Variants in ABHD5 observed in about 807,000 individuals in gnomAD.
ABHD5 encodes abhydrolase domain containing 5, lysophosphatidic acid acyltransferase.
ABHD5 carries 30 observed loss-of-function variants against 44.9 expected under a neutral mutation model. The observed-to-expected ratio is 0.67, with a 90% CI of 0.50 to 0.91. ABHD5 has a LOEUF of 0.91. ABHD5 is among the 40% of genes least tolerant of loss of function. ABHD5 has a pLI of 0.00. For missense variants in ABHD5, 399 were observed against 423.4 expected, an observed-to-expected ratio of 0.94 and a Z score of 0.50; for synonymous variants, 167 against 147.0, an observed-to-expected ratio of 1.14 and a Z score of -0.99.
At chr3:43,711,676 A>G (rs1460234338) in intron 3 of ABHD5, 33 bp from the exon 4 acceptor site, 1 of 1,613,206 alleles carries the variant, frequency 6.2e-7, no homozygotes, top group African/African-American at 1.3e-5. Context: ...TGATTTTACC[A>G]AATGAACTTA....
chr3:43,700,770 C>T (rs1051435858), intron 2 of ABHD5, among the ~76,000 whole-genome samples: 1 of 149,424 alleles, frequency 6.7e-6, no homozygotes, highest in Non-Finnish European at 1.5e-5. Flanking sequence ...GATGGGGTTT[C>T]GCCATGTTGA....
At chr3:43,691,247 GC>G (rs1394959913) in intron 1 of ABHD5, 2 of 424,068 alleles carry the variant, frequency 4.7e-6, no homozygotes, top group African/African-American at 4.1e-5. Flanking sequence ...CAGCGTCGGG[GC>G]CCCGAGGTGT....
chr3:43,705,248 A>T (rs376523041), intron 3 of ABHD5, among the ~76,000 whole-genome samples: 4 of 152,178 alleles, frequency 2.6e-5, no homozygotes, highest in African/African-American at 9.7e-5. Context: ...TGGTCATGTC[A>T]TATCTTTCTA....
At chr3:43,733,750 C>G (rs184799447) in intron 7 of ABHD5, 6 of 152,334 alleles carry the variant, frequency 3.9e-5, no homozygotes, top group Admixed American at 6.5e-5. Context: ...ATTTTCACAA[C>G]CATCCTGGCA....
chr3:43,701,428 A>G (rs2084540783), intron 2 of ABHD5, among the ~76,000 whole-genome samples: 2 of 152,226 alleles, frequency 1.3e-5, no homozygotes, highest in Non-Finnish European at 2.9e-5. Context: ...ATAAATAATT[A>G]AGGGGTATAT....
intron 1 of ABHD5, among the ~76,000 whole-genome samples, chr3:43,697,118 G>A (rs2084483113): frequency 6.6e-6 from 1 of 152,182 alleles, no homozygotes; most frequent in Non-Finnish European, 1.5e-5. Context: ...TAAGTGGTAA[G>A]TTGGTGGAGG....
intron 1 of ABHD5, among the ~76,000 whole-genome samples, chr3:43,698,890 C>T (rs2084504816): frequency 6.6e-6 from 1 of 152,208 alleles, no homozygotes; most frequent in Non-Finnish European, 1.5e-5. Flanking sequence ...CACTGTGAAA[C>T]TGTCATTCAA....
Position 43,717,625 on chromosome 3 carries a change from T to G in ABHD5, c.774-46T>G, listed in dbSNP as rs1219968040. ...ATAGAAGTGACAGTGCAATGCATAC[T>G]CATTCCCAAAAATCATACATCGTGA... On this transcript the variant is annotated intron_variant, in intron 5 of 6. Coordinates refer to ENST00000644371, the MANE Select transcript of ABHD5 (RefSeq NM_016006.6). 4 of 1,599,704 alleles carry G rather than the reference T, an allele frequency of 2.5e-6. No individual in the cohort carries two copies. In the East Asian group the frequency reaches 6.7e-5, roughly 27 times the overall value.
rs2084822185 is a variant in ABHD5, at chr3:43,720,531, A to G, written c.*1999A>G. 6.6e-6 allele frequency: 1 copy of G among 152,234 alleles called. No homozygotes were observed. The highest frequency in any genetic ancestry group is 2.4e-5 in the African/African-American group (1 of 41,464). 9.4% of individuals were successfully genotyped at this position (152,234 alleles called of 1,614,324 possible). A position where few individuals can be genotyped will look rare whatever the true frequency, so the allele number is the denominator to read the frequency against. ...TAGATTTTACCCTGAGGTATAGTATATGTAATTTTGTGAAGATTGAGCTGG... is the reference window on the plus strand; with the variant it reads ...TAGATTTTACCCTGAGGTATAGTATGTGTAATTTTGTGAAGATTGAGCTGG... On this transcript the variant is annotated 3_prime_UTR_variant, in exon 7 of 7. Transcript: ENST00000644371.
chr3:43,711,509 A>G (rs2084687851), intron 3 of ABHD5, among the ~76,000 whole-genome samples, 200 bp from the exon 4 acceptor site: 2 of 152,238 alleles, frequency 1.3e-5, no homozygotes, highest in African/African-American at 4.8e-5. Flanking sequence ...CCCTCTTTCT[A>G]CCATACACCT....
intron 3 of ABHD5, among the ~76,000 whole-genome samples, chr3:43,711,236 A>C (rs1440799148): frequency 6.6e-6 from 1 of 152,212 alleles, no homozygotes; most frequent in Non-Finnish European, 1.5e-5. Flanking sequence ...TTACATTTTT[A>C]GGATGGTTGA....
At chr3:43,730,698 A>C (rs1466315321) in intron 7 of ABHD5, among the ~76,000 whole-genome samples, 3 of 151,944 alleles carry the variant, frequency 2.0e-5, no homozygotes, top group Non-Finnish European at 2.9e-5. Context: ...GGAGAAATGA[A>C]GTCTTGCTAT....
intron 1 of ABHD5, among the ~76,000 whole-genome samples, chr3:43,694,068 G>GAGGCC (rs879539302): frequency 1.3e-5 from 2 of 149,738 alleles, no homozygotes; most frequent in Non-Finnish European, 2.9e-5. Flanking sequence ...AGCACTTTGG[G>GAGGCC]GTAACACCGT....
chr3:43,704,993 A>G (rs2084597198), intron 3 of ABHD5, among the ~76,000 whole-genome samples: 1 of 152,222 alleles, frequency 6.6e-6, no homozygotes, highest in South Asian at 2.1e-4. Context: ...AACTTAAATT[A>G]TTAAATACAG....
At chr3:43,698,993 T>C (rs1479558183) in intron 1 of ABHD5, among the ~76,000 whole-genome samples, 1 of 152,230 alleles carries the variant, frequency 6.6e-6, no homozygotes, top group African/African-American at 2.4e-5. Flanking sequence ...TTGTGTTTTC[T>C]TGTTCTTCCC....
chr3:43,709,062 G>A (rs781490282), intron 3 of ABHD5, among the ~76,000 whole-genome samples: 26 of 152,324 alleles, frequency 1.7e-4, no homozygotes, highest in Non-Finnish European at 2.9e-4. Context: ...GAAAAATCCA[G>A]CTGGATATGC....
At chr3:43,733,501 G>T (rs1430581081) in intron 7 of ABHD5, among the ~76,000 whole-genome samples, 1 of 152,186 alleles carries the variant, frequency 6.6e-6, no homozygotes, top group Non-Finnish European at 1.5e-5. Flanking sequence ...TGGCAGTTTT[G>T]CATATTAAAA....
At chr3:43,717,233 C>T (rs1318148269) in intron 5 of ABHD5, among the ~76,000 whole-genome samples, 2 of 151,840 alleles carry the variant, frequency 1.3e-5, no homozygotes, top group African/African-American at 4.8e-5. Context: ...GCAAGATAGA[C>T]CTATCCTGAG....
intron 4 of ABHD5, 100 bp from the exon 5 acceptor site, chr3:43,714,847 A>T: frequency 2.6e-6 from 2 of 772,222 alleles, no homozygotes; most frequent in Non-Finnish European, 4.5e-6. Context: ...TGTGCATATA[A>T]CACTCATTAC....
Sources: allele counts gnomAD v4.1 joint callset (sites outside exome capture counted in the v4.1 genomes callset), GRCh38; gene constraint gnomAD v4.1.1; transcripts MANE v1.5; gene names NCBI Gene and HGNC (gene_info 2026-07-23, HGNC 2026-07-21).